IRAG2: variants seen among roughly 807,000 people sequenced by gnomAD.
The protein encoded by IRAG2 is inositol 1,4,5-triphosphate receptor associated 2.
In IRAG2, 45 loss-of-function variants were observed where a neutral mutation model predicts 69.9. The ratio of observed to expected loss-of-function variants is 0.64; its 90% CI spans 0.51 to 0.83. The LOEUF (loss-of-function observed/expected upper bound fraction) is 0.83. IRAG2 is among the 40% of genes least tolerant of loss of function. IRAG2 has a pLI of 0.00. For synonymous variants in IRAG2, 193 were observed against 202.4 expected (o/e 0.95, Z 0.40); for missense variants, 520 against 587.0 (o/e 0.89, Z 1.18).
intron 6 of IRAG2, among the ~76,000 whole-genome samples, chr12:25,070,941 G>A (rs555709976): frequency 1.3e-5 from 2 of 152,228 alleles, no homozygotes; most frequent in African/African-American, 2.4e-5. Context: ...TTGGAGACAA[G>A]TCTACTCAGA....
At chr12:25,094,032 A>G (rs1428059281) in intron 14 of IRAG2, 1 of 151,884 alleles carries the variant, frequency 6.6e-6, no homozygotes, top group East Asian at 1.9e-4. Flanking sequence ...CTCCCATTCT[A>G]TAGGTTGCCT....
intron 1 of IRAG2, among the ~76,000 whole-genome samples, chr12:25,060,691 G>A (rs1307982306): frequency 1.6e-5 from 1 of 61,746 alleles, no homozygotes; most frequent in Non-Finnish European, 3.2e-5. Context: ...TTTTTTTTTT[G>A]AGAGGGAGTC....
intron 9 of IRAG2, chr12:25,030,191 G>A: frequency 1.1e-6 from 1 of 889,616 alleles, no homozygotes; most frequent in Non-Finnish European, 1.5e-6. Context: ...AGGTGCTTCA[G>A]AAACATCTTA....
chr12:25,072,266 G>A (rs577673035), intron 6 of IRAG2, among the ~76,000 whole-genome samples: 8 of 152,180 alleles, frequency 5.3e-5, no homozygotes, highest in African/African-American at 1.2e-4. Context: ...CATCACAATC[G>A]AGCCTCCAGT....
At chr12:25,068,856 T>C (rs1207568144) in intron 5 of IRAG2, among the ~76,000 whole-genome samples, 1 of 152,170 alleles carries the variant, frequency 6.6e-6, no homozygotes, top group Non-Finnish European at 1.5e-5. Flanking sequence ...TTGATCACAA[T>C]ATCAACGACA....
upstream of IRAG2, among the ~76,000 whole-genome samples, chr12:24,999,455 CAG>C (rs1449046128): frequency 6.6e-6 from 1 of 152,110 alleles, no homozygotes; most frequent in Non-Finnish European, 1.5e-5. Context: ...TAATGGGACT[CAG>C]AATCTATAAG....
intron 9 of IRAG2, among the ~76,000 whole-genome samples, chr12:25,028,965 A>G (rs1226937413): frequency 6.6e-6 from 1 of 152,228 alleles, no homozygotes; most frequent in African/African-American, 2.4e-5. Flanking sequence ...TGGCATTATC[A>G]TAGTTCACTG....
chr12:25,080,375 G>A (rs1947118283), intron 9 of IRAG2, among the ~76,000 whole-genome samples: 1 of 142,798 alleles, frequency 7.0e-6, no homozygotes, highest in Non-Finnish European at 1.5e-5. Flanking sequence ...TTTTTGAGAC[G>A]GAGTCTCGTT....
At chr12:25,087,306 T>C (rs1947690556) in intron 10 of IRAG2, among the ~76,000 whole-genome samples, 1 of 151,860 alleles carries the variant, frequency 6.6e-6, no homozygotes, top group Admixed American at 6.6e-5. Flanking sequence ...TAGCTTGGAT[T>C]ATAGGCCTGC....
At chr12:25,101,397 A>G (rs956670310) in intron 16 of IRAG2, 72 bp downstream of exon 16, 1 of 1,073,638 alleles carries the variant, frequency 9.3e-7, no homozygotes, top group Non-Finnish European at 1.3e-6. Flanking sequence ...AAGTCTTATT[A>G]TTACTTCAGT....
In IRAG2 at chr12:25,063,187, G is replaced by A. The variant is rs368968742; in HGVS notation, c.-304+287G>A. ...AAGAGATTCTCCTGCCTCAGCCTCC[G>A]GAGTAGCTGGGATTACAGTCATACA... On this transcript the variant is annotated intron_variant, in intron 3 of 21. Transcript: ENST00000556887. Among the ~76,000 whole-genome samples, 6 of 152,090 alleles carry A rather than the reference G, an allele frequency of 3.9e-5. No homozygotes were observed. The South Asian group carries it at 1.0e-3, about 26-fold the overall frequency.
Position 25,104,065 on chromosome 12 carries a change from G to A in IRAG2, c.1046+7G>A. ...GTAGAAGGTCAAGCAGTTGGTAAGT[G>A]TAATTTTATGGTTCCTCTTTGGGAA... On this transcript the variant is annotated splice_region_variant and intron_variant, in intron 19 of 21. Coordinates refer to ENST00000556887, the MANE Select transcript of IRAG2 (RefSeq NM_001366544.2). 6.2e-7 allele frequency: 1 copy of A among 1,612,378 alleles called. No individual in the cohort carries two copies. The highest frequency in any genetic ancestry group is 8.5e-7 in the Non-Finnish European group (1 of 1,179,212).
At chr12:25,097,318 TTATA>T (rs2140214749) in intron 15 of IRAG2, 1 of 244,606 alleles carries the variant, frequency 4.1e-6, no homozygotes, top group Non-Finnish European at 7.8e-6. Context: ...TTATAATCCC[TTATA>T]TAGTGTTATA....
intron 6 of IRAG2, chr12:25,017,378 C>G (rs1406855043): frequency 9.1e-6 from 10 of 1,100,128 alleles, no homozygotes; most frequent in Non-Finnish European, 1.2e-5. Context: ...GAGAGTCACA[C>G]AGCATAAAAT....
chr12:25,065,946 A>C (rs1366648766), intron 4 of IRAG2, among the ~76,000 whole-genome samples: 5 of 152,190 alleles, frequency 3.3e-5, no homozygotes, highest in Admixed American at 2.6e-4. Flanking sequence ...CTGGGATTAC[A>C]GGCGTGAGCC....
At chr12:25,036,002 C>T (rs377637586) in intron 14 of IRAG2, among the ~76,000 whole-genome samples, 13 of 152,126 alleles carry the variant, frequency 8.5e-5, no homozygotes, top group Non-Finnish European at 1.6e-4. Context: ...CCATTAGATA[C>T]GGATTGCTTG....
At chr12:25,052,584 C>T, upstream of IRAG2, 2 of 397,300 alleles carry the variant, frequency 5.0e-6, no homozygotes, top group Non-Finnish European at 8.9e-6. Flanking sequence ...AAAGAGGCAA[C>T]TTGACATATC....
intron 5 of IRAG2, among the ~76,000 whole-genome samples, chr12:25,067,044 T>A (rs1369882813): frequency 2.0e-5 from 3 of 152,168 alleles, no homozygotes; most frequent in Non-Finnish European, 4.4e-5. Flanking sequence ...ACTCTAAAGC[T>A]TAAAAGACAA....
chr12:25,057,026 A>G (rs1244198322), intron 1 of IRAG2, among the ~76,000 whole-genome samples: 1 of 152,006 alleles, frequency 6.6e-6, no homozygotes, highest in Non-Finnish European at 1.5e-5. Flanking sequence ...GCCTCTATCT[A>G]CATTTGCCTT....
Sources: allele counts gnomAD v4.1 joint callset (sites outside exome capture counted in the v4.1 genomes callset), GRCh38; gene constraint gnomAD v4.1.1; transcripts MANE v1.5; gene names NCBI Gene and HGNC (gene_info 2026-07-23, HGNC 2026-07-21).